The following SOCS6 variants were observed in gnomAD, a reference collection of about 807,000 sequenced individuals.
SOCS6 encodes STAT induced STAT inhibitor-4.
SOCS6 carries 5 observed loss-of-function variants against 27.7 expected under a neutral mutation model. The ratio of observed to expected loss-of-function variants is 0.18; its 90% CI spans 0.09 to 0.38. SOCS6 has a LOEUF of 0.38. SOCS6 is among the 10% of genes least tolerant of loss of function. The pLI is 1.00. For missense variants in SOCS6, 595 were observed against 688.1 expected (o/e 0.86, Z 1.51); for synonymous variants, 271 against 260.0 (o/e 1.04, Z -0.41).
intron 1 of SOCS6, among the ~76,000 whole-genome samples, chr18:70,322,391 TTAATA>T (rs1219967977): frequency 6.6e-6 from 1 of 152,206 alleles, no homozygotes; most frequent in Non-Finnish European, 1.5e-5. Context: ...TTTTGTTTCT[TTAATA>T]TTAGTATTGA....
At chr18:70,289,343 G>A (rs2062287613) in intron 1 of SOCS6, among the ~76,000 whole-genome samples, 1 of 148,664 alleles carries the variant, frequency 6.7e-6, no homozygotes, top group South Asian at 2.1e-4. Context: ...GCCAGTCCCG[G>A]GAGCGGGGAC....
chr18:70,308,829 G>A (rs1418169888), intron 1 of SOCS6, among the ~76,000 whole-genome samples: 2 of 151,950 alleles, frequency 1.3e-5, no homozygotes, highest in Non-Finnish European at 2.9e-5. Context: ...TTTGCCCCTG[G>A]TAATACTAAA....
intron 1 of SOCS6, 75 bp downstream of exon 1, chr18:70,289,165 G>A: frequency 6.6e-6 from 1 of 150,528 alleles, no homozygotes; most frequent in Non-Finnish European, 1.5e-5. Context: ...CCGCGGTCCG[G>A]GACACGGCTG....
intron 1 of SOCS6, among the ~76,000 whole-genome samples, chr18:70,302,986 C>G (rs1173245026): frequency 6.6e-6 from 1 of 151,510 alleles, no homozygotes; most frequent in South Asian, 2.1e-4. Flanking sequence ...ATTTACTCAA[C>G]CATTTCCTTT....
At chr18:70,289,713 G>T (rs2062290114) in intron 1 of SOCS6, among the ~76,000 whole-genome samples, 2 of 151,754 alleles carry the variant, frequency 1.3e-5, no homozygotes, top group African/African-American at 4.8e-5. Flanking sequence ...GGCGCTGGTG[G>T]AGGTGCAGGC....
At chr18:70,292,659 C>T (rs1239391002) in intron 1 of SOCS6, among the ~76,000 whole-genome samples, 1 of 152,178 alleles carries the variant, frequency 6.6e-6, no homozygotes, top group East Asian at 1.9e-4. Flanking sequence ...AAAATCCAAA[C>T]TCTTCCTCAT....
At chr18:70,302,103 T>C (rs2062350674) in intron 1 of SOCS6, among the ~76,000 whole-genome samples, 1 of 151,996 alleles carries the variant, frequency 6.6e-6, no homozygotes, top group South Asian at 2.1e-4. Context: ...ATATGAGAAA[T>C]AACATTTTCA....
chr18:70,302,592 G>T lies in SOCS6; in HGVS notation c.-127+13502G>T, dbSNP rs114361934. On this transcript the variant is annotated intron_variant, in intron 1 of 1. Coordinates refer to ENST00000397942, the MANE Select transcript of SOCS6 (RefSeq NM_004232.4). ...TGGTTTTACCAAGAGAGTTTTTCAG[G>T]AGAGTAGTGGAAGGGAATAGAAGTA... Among the ~76,000 whole-genome samples, 663 of 152,234 alleles carry T rather than the reference G, an allele frequency of 4.4e-3. 5 individuals are homozygous for T. Among genetic ancestry groups the T allele is most frequent in the African/African-American group, 0.015 (640 of 41,530 alleles).
rs1346241491 is a variant in SOCS6 at position 70,329,970 on chromosome 18, A to T, written c.*3694A>T. The T allele has an allele frequency of 6.0e-6, 1 of 167,086 alleles. No individual in the cohort carries two copies. The highest frequency in any genetic ancestry group is 2.4e-5 in the African/African-American group (1 of 41,450). The allele number at this position is 167,086 out of a possible 1,614,324, so 10.4% of individuals were successfully genotyped here. Reference sequence around the variant, plus strand: ...GAGTGCCATGAAATTAATACTTGCAATTCAGATTGCGGTAGTTTACACTTT... The same window carrying T: ...GAGTGCCATGAAATTAATACTTGCATTTCAGATTGCGGTAGTTTACACTTT... On this transcript the variant is annotated 3_prime_UTR_variant, in exon 2 of 2. Transcript: ENST00000397942.
At chr18:70,294,395 A>G (rs976970794) in intron 1 of SOCS6, among the ~76,000 whole-genome samples, 1 of 151,086 alleles carries the variant, frequency 6.6e-6, no homozygotes, top group African/African-American at 2.4e-5. Flanking sequence ...TTTTTCTTTT[A>G]TTGGATGTTT....
intron 1 of SOCS6, among the ~76,000 whole-genome samples, chr18:70,305,861 G>A (rs1396836613): frequency 1.3e-5 from 2 of 151,990 alleles, no homozygotes; most frequent in Non-Finnish European, 2.9e-5. Context: ...TTTTATTGTT[G>A]CTAGGTTTGT....
chr18:70,318,884 C>T (rs934326477), intron 1 of SOCS6, among the ~76,000 whole-genome samples: 19 of 151,266 alleles, frequency 1.3e-4, no homozygotes, highest in African/African-American at 4.6e-4. Flanking sequence ...TTCAGTGAGC[C>T]GAGATGGTGC....
At position 70,305,213 on chromosome 18, in the gene SOCS6, G is replaced by GA. The variant is rs1305242426; in HGVS notation, c.-127+16135dup. Among the ~76,000 whole-genome samples, 332 of 143,060 alleles carry GA rather than the reference G, an allele frequency of 2.3e-3. 2 individuals carry two copies. The highest frequency in any genetic ancestry group is 6.4e-3 in the African/African-American group (250 of 38,928). 93.9% of individuals were successfully genotyped at this position (143,060 alleles called of 152,430 possible). Reference sequence around the variant, plus strand: ...ACAGAGCAAGACGCCGTCTCAAAAAGAAAAAAAAAAAAGTTTTATAGTTTT... The same window carrying GA: ...ACAGAGCAAGACGCCGTCTCAAAAAGAAAAAAAAAAAAAGTTTTATAGTTTT... On this transcript the variant is annotated intron_variant, in intron 1 of 1. Transcript: ENST00000397942.
intron 1 of SOCS6, among the ~76,000 whole-genome samples, chr18:70,322,320 A>G (rs966758793): frequency 1.3e-5 from 2 of 152,202 alleles, no homozygotes; most frequent in Non-Finnish European, 2.9e-5. Context: ...ATATGAAGGG[A>G]AGAGATAAAA....
chr18:70,293,330 A>T (rs713131), intron 1 of SOCS6, among the ~76,000 whole-genome samples: 1 of 152,122 alleles, frequency 6.6e-6, no homozygotes, highest in African/African-American at 2.4e-5. Flanking sequence ...TTATCATTAC[A>T]TGGCCCCAAC....
At chr18:70,298,448 C>G (rs1344426153) in intron 1 of SOCS6, among the ~76,000 whole-genome samples, 1 of 151,996 alleles carries the variant, frequency 6.6e-6, no homozygotes, top group African/African-American at 2.4e-5. Context: ...ATTAAAAGAA[C>G]TATATATAAG....
chr18:70,290,089 C>A (rs2062292170), intron 1 of SOCS6, among the ~76,000 whole-genome samples: 1 of 152,298 alleles, frequency 6.6e-6, no homozygotes, highest in South Asian at 2.1e-4. Flanking sequence ...GAATTCATTT[C>A]AACAAATGTT....
chr18:70,303,967 TATGTGTGGAAAA>T (rs1014396693), intron 1 of SOCS6, among the ~76,000 whole-genome samples: 1 of 152,232 alleles, frequency 6.6e-6, no homozygotes, highest in Non-Finnish European at 1.5e-5. Context: ...GAATTGGTTG[TATGTGTGGAAAA>T]ATGTAAATCT....
At chr18:70,301,013 T>G (rs1451282577) in intron 1 of SOCS6, among the ~76,000 whole-genome samples, 3 of 152,190 alleles carry the variant, frequency 2.0e-5, no homozygotes, top group African/African-American at 7.2e-5. Context: ...AATTCTGTTT[T>G]TATGTAGTTG....
Sources: gnomAD v4.1 joint callset for allele counts (sites outside exome capture counted in the v4.1 genomes callset) on GRCh38, gnomAD v4.1.1 for gene constraint, MANE v1.5 for transcripts, NCBI Gene and HGNC (gene_info 2026-07-23, HGNC 2026-07-21) for gene names.